The following PCID2 variants were observed in gnomAD, a reference collection of about 807,000 sequenced individuals.
The protein encoded by PCID2 is PCI domain containing 2, also known as PCI domain-containing protein 2.
A neutral mutation model predicts 61.3 loss-of-function variants in PCID2; 41 were observed. The ratio of observed to expected loss-of-function variants is 0.67; its 90% CI spans 0.52 to 0.87. PCID2 has a LOEUF of 0.87. Among genes scored for constraint, PCID2 ranks in the 40% least tolerant of loss-of-function variants. The probability of loss-of-function intolerance (pLI) is 0.00; values close to 1 mark genes in which losing one functional copy is unlikely to be tolerated. For synonymous variants in PCID2, 187 were observed against 177.8 expected (o/e 1.05, Z -0.41); for missense variants, 392 against 493.4 (o/e 0.79, Z 1.95).
At chr13:113,196,932 T>C in intron 4 of PCID2, 1 of 989,498 alleles carries the variant, frequency 1.0e-6, no homozygotes, top group South Asian at 1.3e-5. Context: ...ATTCTTCTTC[T>C]CAGCAGAGTA....
intron 7 of PCID2, chr13:113,187,020 T>C (rs2038175579): frequency 6.6e-6 from 1 of 152,248 alleles, no homozygotes; most frequent in Non-Finnish European, 1.5e-5. Context: ...TATAACTGCC[T>C]GTGAGCTGCT....
chr13:113,165,081 T>G, the PCID2 span: 1 of 1,613,056 alleles, frequency 6.2e-7, no homozygotes, highest in African/African-American at 1.3e-5. Flanking sequence ...TGCTGACCTC[T>G]GAGAAGCGTG....
chr13:113,183,807 G>A, intron 9 of PCID2: 1 of 984,770 alleles, frequency 1.0e-6, no homozygotes, highest in Non-Finnish European at 1.2e-6. Context: ...TAATACAATA[G>A]TGTCAGGTGT....
chr13:113,194,582 AC>A (rs1401426729), intron 6 of PCID2, among the ~76,000 whole-genome samples: 1 of 152,090 alleles, frequency 6.6e-6, no homozygotes, highest in Non-Finnish European at 1.5e-5. Context: ...TCGTCCTAAA[AC>A]CAAAAGGTTG....
intron 1 of PCID2, 81 bp downstream of exon 1, chr13:113,208,518 T>C: frequency 3.2e-6 from 5 of 1,562,218 alleles, no homozygotes; most frequent in Non-Finnish European, 3.5e-6. Context: ...GGAAAAGGCC[T>C]GAGGGTCCAA....
the PCID2 span, chr13:113,170,661 T>G: frequency 4.5e-6 from 3 of 673,098 alleles, no homozygotes; most frequent in African/African-American, 1.8e-5. Context: ...TCAATAAAAC[T>G]GAGATACTTA....
rs1038774552 is a variant in PCID2 at position 113,178,041 on chromosome 13, C to T, written c.*157G>A. 1.9e-5 allele frequency: 10 copies of T among 533,414 alleles called. No homozygotes were observed. Among genetic ancestry groups the T allele is most frequent in the Non-Finnish European group, 2.7e-5 (8 of 296,120 alleles). 33.0% of individuals were successfully genotyped at this position (533,414 alleles called of 1,614,324 possible). ...TAGTTACAAATGAAGGAGATTAACT[C>T]GGGTGTGCTGAAAATCTCAGCCTCA... On this transcript the variant is annotated 3_prime_UTR_variant, in exon 14 of 14. Transcript: ENST00000337344.
At position 113,179,011 on chromosome 13, in the gene PCID2, C is replaced by T; in HGVS notation, c.1065G>A (p.Val355=). The T allele has an allele frequency of 3.7e-6, 6 of 1,613,816 alleles. No homozygotes were observed. The highest frequency in any genetic ancestry group is 5.1e-6 in the Non-Finnish European group (6 of 1,179,770). ...GAATACACTGAACTTCGTCAATGTC[C>T]ACGTCCTCCACCTGCATGAACTTCA... The part of the protein sequence containing the change: ...VALKFMQVED[V]DIDEVQCILA... The change falls in exon 13 of 14, where the codon GTG becomes GTA. Residue 355 remains valine, a synonymous_variant. Coordinates refer to ENST00000337344, the MANE Select transcript of PCID2 (RefSeq NM_001127202.4). This position sits in a 1 kb window ranked among gnomAD's most constrained non-coding sequence, Gnocchi z 4.3.
chr13:113,171,607 G>T, the PCID2 span: 1 of 1,614,132 alleles, frequency 6.2e-7, no homozygotes. The surrounding 1 kb of genome is among the most constrained non-coding windows in gnomAD (Gnocchi z 5.1). Flanking sequence ...TTAACAGAAC[G>T]AGCCAAGACC....
At chr13:113,170,835 A>C in the PCID2 span, among the ~76,000 whole-genome samples, 23 of 152,140 alleles carry the variant, frequency 1.5e-4, no homozygotes, top group Admixed American at 4.6e-4. Flanking sequence ...TAATTGGCTA[A>C]AAATCGGAAG....
chr13:113,175,469 G>A (rs2476318), downstream of PCID2, among the ~76,000 whole-genome samples: 140,168 of 152,212 alleles, frequency 0.92, 65,623 homozygotes, highest in East Asian at 1. Flanking sequence ...AATCATTTAA[G>A]TCAAAAGTTG....
chr13:113,206,619 T>C (rs2039856523), intron 1 of PCID2, among the ~76,000 whole-genome samples: 1 of 152,274 alleles, frequency 6.6e-6, no homozygotes, highest in East Asian at 1.9e-4. Flanking sequence ...ATCAAACATG[T>C]GTTACCATGT....
intron 7 of PCID2, among the ~76,000 whole-genome samples, chr13:113,190,384 AT>A (rs2038511682): frequency 6.6e-6 from 1 of 152,168 alleles, no homozygotes; most frequent in Admixed American, 6.5e-5. Context: ...ATGGAATGAC[AT>A]TTTTAAAGTG....
intron 1 of PCID2, among the ~76,000 whole-genome samples, chr13:113,201,834 A>AG (rs1422835474): frequency 1.3e-5 from 2 of 150,744 alleles, no homozygotes; most frequent in Non-Finnish European, 2.9e-5. Context: ...AAAAAAAAAA[A>AG]GGACATAAAA....
rs140457369 is a variant in PCID2, at chr13:113,183,721, A to T, written c.685+625T>A. 319 of 978,816 alleles carry T rather than the reference A, an allele frequency of 3.3e-4. 2 individuals carry two copies. The African/African-American group carries it at 3.6e-3, about 11-fold the overall frequency. The allele number at this position is 978,816 out of a possible 1,614,324, so 60.6% of individuals were successfully genotyped here. A position where few individuals can be genotyped will look rare whatever the true frequency, so the allele number is the denominator to read the frequency against. On this transcript the variant is annotated intron_variant, in intron 9 of 13. Coordinates refer to ENST00000337344, the MANE Select transcript of PCID2 (RefSeq NM_001127202.4). ...AGCACAAGAGAAGAGATCACCAAGA[A>T]TGATGCCGTGACAGCCGATAAAAAT...
chr13:113,182,585 C>T (rs895022303), intron 9 of PCID2, among the ~76,000 whole-genome samples: 16 of 152,156 alleles, frequency 1.1e-4, no homozygotes, highest in African/African-American at 3.9e-4. Context: ...CTGCAAGCTC[C>T]GCCTCCCGGG....
chr13:113,179,743 C>T lies in PCID2; in HGVS notation c.986+174G>A, dbSNP rs987315146. Among the ~76,000 whole-genome samples, 3 of 152,170 alleles carry T rather than the reference C, an allele frequency of 2.0e-5. No homozygotes were observed. The highest frequency in any genetic ancestry group is 7.2e-5 in the African/African-American group (3 of 41,438). On this transcript the variant is annotated intron_variant, in intron 12 of 13. Coordinates refer to ENST00000337344, the MANE Select transcript of PCID2 (RefSeq NM_001127202.4). The surrounding 1 kb of genome is among the most constrained non-coding windows in gnomAD (Gnocchi z 4.3). Reference sequence around the variant, plus strand: ...CAGCTTGTGCTACTCACGTGTCTCGCGCAGGGTCCCCAGGAGGCAGTGGGC... The same window carrying T: ...CAGCTTGTGCTACTCACGTGTCTCGTGCAGGGTCCCCAGGAGGCAGTGGGC...
intron 10 of PCID2, among the ~76,000 whole-genome samples, chr13:113,180,633 G>A (rs1001636089): frequency 2.0e-5 from 3 of 152,184 alleles, no homozygotes; most frequent in Non-Finnish European, 4.4e-5. Flanking sequence ...CCACAGCAGC[G>A]CTTCTCCATC....
rs755660695 is a variant in PCID2 at position 113,185,587 on chromosome 13, T to G, written c.468-27A>C. 18 of 1,435,022 alleles carry G rather than the reference T, an allele frequency of 1.3e-5. 1 individual carries two copies. The Middle Eastern group carries it at 1.8e-3, about 140-fold the overall frequency. The allele number at this position is 1,435,022 out of a possible 1,614,324, so 88.9% of individuals were successfully genotyped here. A position where few individuals can be genotyped will look rare whatever the true frequency, so the allele number is the denominator to read the frequency against. On this transcript the variant is annotated intron_variant, in intron 7 of 13. Transcript: ENST00000337344. ...TATGGGGAAATAATTTTTTTTAAGT[T>G]ACATAGGAAATAAAAATTTTATTTA... is the stretch of plus-strand genomic sequence containing the variant.
Sources: allele counts gnomAD v4.1 joint callset (sites outside exome capture counted in the v4.1 genomes callset), GRCh38; gene constraint gnomAD v4.1.1; non-coding constraint Gnocchi (gnomAD v3.1); transcripts MANE v1.5; gene names NCBI Gene and HGNC (gene_info 2026-07-23, HGNC 2026-07-21).